Variants in ARHGEF10L observed in about 807,000 individuals in gnomAD.
ARHGEF10L encodes the protein Rho guanine nucleotide exchange factor 10 like.
ARHGEF10L carries 69 observed loss-of-function variants against 141.2 expected under a neutral mutation model. That is an observed-to-expected ratio of 0.49 (90% confidence interval 0.40 to 0.60). The LOEUF (loss-of-function observed/expected upper bound fraction) is 0.60. Among genes scored for constraint, ARHGEF10L ranks in the 20% least tolerant of loss-of-function variants. The pLI is 0.00. For synonymous variants in ARHGEF10L, 711 were observed against 718.5 expected (o/e 0.99, Z 0.17); for missense variants, 1,482 against 1,734.3 (o/e 0.85, Z 2.58).
chr1:17,687,650 C>T lies in ARHGEF10L; in HGVS notation c.3087C>T (p.Ala1029=). The change falls in exon 27 of 29, where the codon GCC becomes GCT. Residue 1029 remains alanine (A), a synonymous_variant. Coordinates refer to ENST00000361221, the MANE Select transcript of ARHGEF10L (RefSeq NM_018125.4). ...MVKAGSGVWM[A]FSSGTSIRLF... is the part of the protein sequence containing the mutation. Reference sequence around the variant, plus strand: ...AGGCGGGCAGCGGCGTCTGGATGGCCTTCTCCTCCGGCACCTCCATCCGCC... The same window carrying T: ...AGGCGGGCAGCGGCGTCTGGATGGCTTTCTCCTCCGGCACCTCCATCCGCC... 6.2e-7 allele frequency: 1 copy of T among 1,612,858 alleles called. No homozygotes were observed. The highest frequency in any genetic ancestry group is 8.5e-7 in the Non-Finnish European group (1 of 1,179,842).
At chr1:17,670,947 C>T (rs373728070) in intron 26 of ARHGEF10L, among the ~76,000 whole-genome samples, 1 of 152,370 alleles carries the variant, frequency 6.6e-6, no homozygotes, top group East Asian at 1.9e-4. Context: ...CTCAGTGAAG[C>T]CACCCTGACT....
intron 4 of ARHGEF10L, among the ~76,000 whole-genome samples, chr1:17,597,276 T>A (rs1207623590): frequency 6.6e-6 from 1 of 152,096 alleles, no homozygotes; most frequent in Non-Finnish European, 1.5e-5. Flanking sequence ...CTTACTGGTT[T>A]TTATGGCTCT....
intron 16 of ARHGEF10L, 102 bp from the exon 17 acceptor site, chr1:17,634,446 C>A (rs200984717): frequency 2.5e-6 from 4 of 1,583,728 alleles, no homozygotes; most frequent in South Asian, 1.1e-5. Flanking sequence ...CTTCTATTCC[C>A]GATGCCCAGC....
intron 1 of ARHGEF10L, among the ~76,000 whole-genome samples, chr1:17,551,172 G>T (rs2100718712): frequency 6.6e-6 from 1 of 152,208 alleles, no homozygotes; most frequent in African/African-American, 2.4e-5. Flanking sequence ...GTTTTCATTT[G>T]TCTGTCCTTG....
chr1:17,602,009 A>T, intron 4 of ARHGEF10L, 118 bp from the exon 5 acceptor site: 1 of 887,656 alleles, frequency 1.1e-6, no homozygotes, highest in Non-Finnish European at 1.7e-6. Flanking sequence ...AGGTCTCCCC[A>T]GCAGCCTGGC....
chr1:17,592,678 G>C (rs1256545707), intron 4 of ARHGEF10L, among the ~76,000 whole-genome samples: 1 of 152,128 alleles, frequency 6.6e-6, no homozygotes, highest in Non-Finnish European at 1.5e-5. Context: ...GGCCGGAGTG[G>C]GTCCGCAGCG....
At chr1:17,530,088 A>C in the ARHGEF10L span, among the ~76,000 whole-genome samples, 2 of 152,028 alleles carry the variant, frequency 1.3e-5, no homozygotes, top group African/African-American at 4.8e-5. Flanking sequence ...TCACTTCGGC[A>C]TTCCAAAGTG....
chr1:17,535,202 G>A (rs565841725), upstream of ARHGEF10L, among the ~76,000 whole-genome samples: 73 of 152,258 alleles, frequency 4.8e-4, no homozygotes, highest in African/African-American at 1.6e-3. Context: ...TAAGGGGCGC[G>A]CAGTCTAGAT....
At chr1:17,531,140 A>G in the ARHGEF10L span, among the ~76,000 whole-genome samples, 1 of 152,258 alleles carries the variant, frequency 6.6e-6, no homozygotes, top group Non-Finnish European at 1.5e-5. Context: ...GATGCACAGT[A>G]AAAGTGGGGG....
chr1:17,568,686 C>T (rs56173029), intron 1 of ARHGEF10L, among the ~76,000 whole-genome samples: 2 of 152,220 alleles, frequency 1.3e-5, no homozygotes, highest in East Asian at 3.9e-4. Context: ...AGGCTGTGGG[C>T]GGCATCCGCA....
chr1:17,602,080 T>A, intron 4 of ARHGEF10L, 47 bp from the exon 5 acceptor site: 1 of 1,472,182 alleles, frequency 6.8e-7, no homozygotes, highest in Non-Finnish European at 9.1e-7. Flanking sequence ...CAGAGGCTTC[T>A]GGGAGCCACC....
At chr1:17,632,660 A>C (rs992657034) in intron 16 of ARHGEF10L, among the ~76,000 whole-genome samples, 194 bp downstream of exon 16, 1 of 152,208 alleles carries the variant, frequency 6.6e-6, no homozygotes, top group South Asian at 2.1e-4. Context: ...TGGAGCAGTC[A>C]TCGGGGGCAG....
chr1:17,548,833 G>T (rs35728232), intron 1 of ARHGEF10L, among the ~76,000 whole-genome samples: 2 of 151,066 alleles, frequency 1.3e-5, no homozygotes, highest in South Asian at 4.2e-4. Flanking sequence ...ATTTTTAGTA[G>T]AGACAGGGTT....
At chr1:17,541,742 C>T (rs551968285) in intron 1 of ARHGEF10L, among the ~76,000 whole-genome samples, 2 of 150,150 alleles carry the variant, frequency 1.3e-5, no homozygotes, top group African/African-American at 2.5e-5. Context: ...CTGAGGTGGG[C>T]GGATTACCTG....
chr1:17,696,290 A>G (rs527794796), intron 28 of ARHGEF10L, among the ~76,000 whole-genome samples: 2 of 151,942 alleles, frequency 1.3e-5, no homozygotes, highest in African/African-American at 4.8e-5. Flanking sequence ...CATTTTGTCC[A>G]TCCAGGGGGC....
At chr1:17,563,952 AC>A (rs1240622984) in intron 1 of ARHGEF10L, among the ~76,000 whole-genome samples, 4 of 152,216 alleles carry the variant, frequency 2.6e-5, no homozygotes, top group Non-Finnish European at 5.9e-5. Flanking sequence ...GCTGCAAGTG[AC>A]AGCAGATGGC....
At chr1:17,647,670 T>G (rs1342006288) in intron 21 of ARHGEF10L, among the ~76,000 whole-genome samples, 1 of 152,122 alleles carries the variant, frequency 6.6e-6, no homozygotes, top group African/African-American at 2.4e-5. Context: ...TAGAGACTTA[T>G]GGAAATGGAC....
the ARHGEF10L span, among the ~76,000 whole-genome samples, chr1:17,533,493 T>C: frequency 6.6e-6 from 1 of 152,144 alleles, no homozygotes; most frequent in Non-Finnish European, 1.5e-5. Context: ...TGACACTACA[T>C]TCCCCAGGAG....
At chr1:17,689,458 T>TCCCTCCCTCCCTGCCTCCCTCCCCCTCC (rs2064885304) in intron 27 of ARHGEF10L, among the ~76,000 whole-genome samples, 4 of 10,088 alleles carry the variant, frequency 4.0e-4, no homozygotes, top group Middle Eastern at 0.031. Flanking sequence ...CTTCCCCCTC[T>TCCCTCCCTCCCTGCCTCCCTCCCCCTCC]CTCCCTCCCT....
Sources: gnomAD v4.1 joint callset for allele counts (sites outside exome capture counted in the v4.1 genomes callset) on GRCh38, gnomAD v4.1.1 for gene constraint, MANE v1.5 for transcripts, NCBI Gene and HGNC (gene_info 2026-07-23, HGNC 2026-07-21) for gene names.